Variants in SLC24A2 observed in about 807,000 individuals in gnomAD.
SLC24A2 encodes the protein solute carrier family 24 member 2.
A neutral mutation model predicts 62.0 loss-of-function variants in SLC24A2; 36 were observed. That is an observed-to-expected ratio of 0.58 (90% CI 0.44 to 0.77). SLC24A2 has a LOEUF of 0.77. Among genes scored for constraint, SLC24A2 ranks in the 30% least tolerant of loss-of-function variants. The pLI is 0.00. For missense variants in SLC24A2, 846 were observed against 817.9 expected (o/e 1.03, Z -0.42); for synonymous variants, 358 against 294.0 (o/e 1.22, Z -2.23).
the SLC24A2 span, among the ~76,000 whole-genome samples, chr9:19,865,299 C>T: frequency 6.6e-6 from 1 of 152,122 alleles, no homozygotes; most frequent in Admixed American, 6.5e-5. Context: ...TATAAAAATA[C>T]CAATAACATT....
chr9:19,656,990 G>A (rs567381147), intron 2 of SLC24A2, among the ~76,000 whole-genome samples: 4 of 152,290 alleles, frequency 2.6e-5, no homozygotes, highest in East Asian at 1.9e-4. Flanking sequence ...TCTGTCTGAC[G>A]ACAGTTTGTT....
chr9:19,730,572 T>G (rs1821306097), intron 2 of SLC24A2, among the ~76,000 whole-genome samples: 1 of 152,098 alleles, frequency 6.6e-6, no homozygotes, highest in Non-Finnish European at 1.5e-5. Flanking sequence ...CATAGCAACA[T>G]GAAAACATAT....
intron 2 of SLC24A2, among the ~76,000 whole-genome samples, chr9:19,715,705 A>T (rs181206337): frequency 6.6e-6 from 1 of 152,348 alleles, no homozygotes; most frequent in African/African-American, 2.4e-5. Context: ...GCTGGAGGGT[A>T]CTTATAAATG....
chr9:20,053,167 C>T, the SLC24A2 span, among the ~76,000 whole-genome samples: 1 of 152,120 alleles, frequency 6.6e-6, no homozygotes, highest in Non-Finnish European at 1.5e-5. Flanking sequence ...ACTTCACTTT[C>T]CTCTGCTTGC....
At position 19,511,923 on chromosome 9, in the gene SLC24A2, C is replaced by G. The variant is rs1832730237; in HGVS notation, c.*4230G>C. On this transcript the variant is annotated 3_prime_UTR_variant, in exon 11 of 11. Coordinates refer to ENST00000341998, the MANE Select transcript of SLC24A2 (RefSeq NM_020344.4). ...AGATGTGGGGAGGAAAGCACACTGCCATGTTCTGAAATGCCTGCCATCAGA... is the reference window on the plus strand; with the variant it reads ...AGATGTGGGGAGGAAAGCACACTGCGATGTTCTGAAATGCCTGCCATCAGA... 6.6e-6 allele frequency: 1 copy of G among 152,304 alleles called. No homozygotes were observed. The highest frequency in any genetic ancestry group is 2.1e-4 in the South Asian group (1 of 4,832). 9.4% of individuals were successfully genotyped at this position (152,304 alleles called of 1,614,324 possible). A position where few individuals can be genotyped will look rare whatever the true frequency, so the allele number is the denominator to read the frequency against.
At chr9:19,659,893 G>C (rs1819046693) in intron 2 of SLC24A2, among the ~76,000 whole-genome samples, 1 of 152,154 alleles carries the variant, frequency 6.6e-6, no homozygotes, top group Admixed American at 6.5e-5. Flanking sequence ...CTGGGCAAGA[G>C]CTCAGGTGCT....
At chr9:19,788,529 C>G in intron 1 of SLC24A2, 2 of 985,484 alleles carry the variant, frequency 2.0e-6, no homozygotes, top group Non-Finnish European at 2.4e-6. Context: ...ACAGACGCCC[C>G]ACCTGTGAGC....
chr9:20,222,026 A>G, the SLC24A2 span, among the ~76,000 whole-genome samples: 1 of 152,176 alleles, frequency 6.6e-6, no homozygotes, highest in Admixed American at 6.5e-5. Flanking sequence ...GATACAACAA[A>G]AGCTCTAAAC....
chr9:19,532,005 T>C (rs959735279), intron 8 of SLC24A2, among the ~76,000 whole-genome samples: 1 of 152,212 alleles, frequency 6.6e-6, no homozygotes, highest in Non-Finnish European at 1.5e-5. Flanking sequence ...GATACCAAAA[T>C]CTGCAGATGC....
Position 19,619,643 on chromosome 9 carries a change from C to T in SLC24A2, c.1019G>A (p.Ser340Asn). 6.2e-7 allele frequency: 1 copy of T among 1,614,006 alleles called. No homozygotes were observed. The highest frequency in any genetic ancestry group is 2.2e-5 in the East Asian group (1 of 44,884). The part of the protein sequence containing the change: ...RGGSSASLHN[S>N]LMRNSIFQLM... ...TTGGAAGATGCTATTCCTCATGAGACTGTTGTGGAGGGAGGCAGAGCTTCC... is the reference window on the plus strand; with the variant it reads ...TTGGAAGATGCTATTCCTCATGAGATTGTTGTGGAGGGAGGCAGAGCTTCC... The change falls in exon 4 of 11, where the codon AGT becomes AAT. Residue 340 changes from serine (S) to asparagine (N), a missense_variant. Transcript: ENST00000341998.
the SLC24A2 span, among the ~76,000 whole-genome samples, chr9:20,076,884 TATC>T: frequency 4.4e-5 from 4 of 90,852 alleles, no homozygotes; most frequent in African/African-American, 1.3e-4. Flanking sequence ...TATATATACA[TATC>T]ATATGTGTAT....
the SLC24A2 span, among the ~76,000 whole-genome samples, chr9:19,959,380 T>G: frequency 6.6e-6 from 1 of 152,204 alleles, no homozygotes; most frequent in Non-Finnish European, 1.5e-5. Flanking sequence ...TGAAGTTCAT[T>G]TGACAGAGCT....
the SLC24A2 span, among the ~76,000 whole-genome samples, chr9:20,045,146 T>G: frequency 6.6e-6 from 1 of 152,066 alleles, no homozygotes; most frequent in East Asian, 1.9e-4. Flanking sequence ...TTGGCAAAAA[T>G]TTATTGAGAA....
chr9:19,889,265 G>T, the SLC24A2 span, among the ~76,000 whole-genome samples: 1 of 152,154 alleles, frequency 6.6e-6, no homozygotes, highest in East Asian at 1.9e-4. Context: ...CCAGTACAGT[G>T]GGTGTGTCTA....
chr9:20,042,594 G>A, the SLC24A2 span, among the ~76,000 whole-genome samples: 4 of 152,196 alleles, frequency 2.6e-5, no homozygotes, highest in African/African-American at 9.6e-5. Context: ...TAAGGGACAT[G>A]TTCATTTATC....
chr9:20,106,494 T>A, the SLC24A2 span, among the ~76,000 whole-genome samples: 3 of 152,178 alleles, frequency 2.0e-5, no homozygotes, highest in African/African-American at 7.2e-5. Flanking sequence ...AAAAAGCTTA[T>A]CTACCATGAT....
the SLC24A2 span, among the ~76,000 whole-genome samples, chr9:19,924,629 A>T: frequency 6.6e-6 from 1 of 152,222 alleles, no homozygotes; most frequent in Non-Finnish European, 1.5e-5. Context: ...AGAGCAAATA[A>T]GGATCCCATG....
the SLC24A2 span, among the ~76,000 whole-genome samples, chr9:20,215,068 C>A: frequency 2.0e-5 from 3 of 152,210 alleles, no homozygotes; most frequent in African/African-American, 7.2e-5. Context: ...TTATTTTTCA[C>A]AGTTCTCAAG....
the SLC24A2 span, among the ~76,000 whole-genome samples, chr9:20,223,062 T>C: frequency 5.3e-5 from 8 of 152,038 alleles, no homozygotes; most frequent in Non-Finnish European, 1.2e-4. Context: ...TTAAGGTTTA[T>C]ACAAAAATCA....
Sources: gnomAD v4.1 joint callset for allele counts (sites outside exome capture counted in the v4.1 genomes callset) on GRCh38, gnomAD v4.1.1 for gene constraint, MANE v1.5 for transcripts, NCBI Gene and HGNC (gene_info 2026-07-23, HGNC 2026-07-21) for gene names.